TMOD1: variants seen among roughly 807,000 people sequenced by gnomAD.
The protein encoded by TMOD1 is tropomodulin-1.
Under a neutral mutation model 40.6 loss-of-function variants are expected in TMOD1, and 17 were observed. The ratio of observed to expected loss-of-function variants is 0.42; its 90% CI spans 0.29 to 0.63. TMOD1 has a LOEUF of 0.63. Among genes scored for constraint, TMOD1 ranks in the 20% least tolerant of loss-of-function variants. The pLI, the probability that TMOD1 is intolerant of heterozygous loss-of-function variation, is 0.22. For missense variants in TMOD1, 391 were observed against 447.6 expected (o/e 0.87, Z 1.14); for synonymous variants, 181 against 175.0 (o/e 1.03, Z -0.27).
intron 2 of TMOD1, among the ~76,000 whole-genome samples, chr9:97,529,627 A>G (rs570204808): frequency 6.6e-6 from 1 of 152,112 alleles, no homozygotes; most frequent in African/African-American, 2.4e-5. Flanking sequence ...CTCCCTCGGG[A>G]AAGGAATGCT....
At chr9:97,552,676 T>C (rs1830472257) in intron 3 of TMOD1, among the ~76,000 whole-genome samples, 2 of 152,212 alleles carry the variant, frequency 1.3e-5, no homozygotes, top group African/African-American at 4.8e-5. Context: ...TCCTTCTTAG[T>C]AAGTAGCAAT....
Position 97,553,333 on chromosome 9 carries a change from G to A in TMOD1, c.330G>A (p.Val110=). 6.2e-7 allele frequency: 1 copy of A among 1,614,226 alleles called. No homozygotes were observed. Among genetic ancestry groups the A allele is most frequent in the Non-Finnish European group, 8.5e-7 (1 of 1,180,040 alleles). Residue 110 remains valine (V), a synonymous_variant, in exon 4 of 10, where the codon GTG becomes GTA. Coordinates refer to ENST00000259365, the MANE Select transcript of TMOD1 (RefSeq NM_003275.4). ...QKPLDPVLES[V]TLEPELEEAL... ...CACTGGATCCTGTGCTGGAAAGTGT[G>A]ACGCTGGAACCGGAGCTGGAGGAAG...
chr9:97,588,725 G>A (rs1194195723), intron 8 of TMOD1, among the ~76,000 whole-genome samples: 1 of 151,968 alleles, frequency 6.6e-6, no homozygotes, highest in Admixed American at 6.6e-5. Context: ...ATTTATTTAG[G>A]TCTTATTTAA....
chr9:97,572,626 A>T (rs981944574), intron 8 of TMOD1, among the ~76,000 whole-genome samples: 2 of 152,184 alleles, frequency 1.3e-5, no homozygotes, highest in Non-Finnish European at 2.9e-5. Context: ...GACACAGAGG[A>T]GGTGGCGAGT....
intron 8 of TMOD1, among the ~76,000 whole-genome samples, chr9:97,588,403 A>G (rs1166178054): frequency 1.3e-5 from 2 of 152,176 alleles, no homozygotes; most frequent in African/African-American, 2.4e-5. Context: ...AGAAGTGTCT[A>G]TTCAAATCCT....
intron 1 of TMOD1, among the ~76,000 whole-genome samples, chr9:97,506,308 T>C (rs1564225418): frequency 6.6e-6 from 1 of 152,208 alleles, no homozygotes; most frequent in Non-Finnish European, 1.5e-5. Context: ...AAAAGCTCCC[T>C]GAGGACGAGG....
At chr9:97,566,040 TC>T in intron 7 of TMOD1, 85 bp downstream of exon 7, 1 of 1,191,640 alleles carries the variant, frequency 8.4e-7, no homozygotes, top group Non-Finnish European at 1.2e-6. Context: ...ACTGGTTGTA[TC>T]CCACTAACAA....
chr9:97,601,436 G>C lies in TMOD1; in HGVS notation c.*1738G>C. ...ACCGAGCTTATATGAAGCTCCCAGAGAGAACATTTAAAAGCTCAGAGAGTA... is the reference window on the plus strand; with the variant it reads ...ACCGAGCTTATATGAAGCTCCCAGACAGAACATTTAAAAGCTCAGAGAGTA... On this transcript the variant is annotated 3_prime_UTR_variant, in exon 10 of 10. Transcript: ENST00000259365. 9.8e-7 allele frequency: 1 copy of C among 1,022,918 alleles called. No individual in the cohort carries two copies. The highest frequency in any genetic ancestry group is 1.7e-5 in the African/African-American group (1 of 58,040). 63.4% of individuals were successfully genotyped at this position (1,022,918 alleles called of 1,614,324 possible).
chr9:97,559,174 G>A (rs1398655292), intron 4 of TMOD1, among the ~76,000 whole-genome samples: 3 of 152,214 alleles, frequency 2.0e-5, no homozygotes, highest in South Asian at 2.1e-4. Flanking sequence ...GAGCTGCTCC[G>A]TGGGAGCTGG....
intron 9 of TMOD1, among the ~76,000 whole-genome samples, chr9:97,597,761 C>T (rs1018862440): frequency 1.3e-5 from 2 of 151,070 alleles, no homozygotes; most frequent in Non-Finnish European, 1.5e-5. Flanking sequence ...CACACAGATC[C>T]GGCCCAGTGG....
At chr9:97,532,305 G>A (rs1416528511) in intron 2 of TMOD1, among the ~76,000 whole-genome samples, 1 of 152,110 alleles carries the variant, frequency 6.6e-6, no homozygotes, top group African/African-American at 2.4e-5. Flanking sequence ...CTGCCCTCTG[G>A]ACCCATGACC....
intron 3 of TMOD1, 80 bp downstream of exon 3, chr9:97,546,421 C>G: frequency 6.7e-7 from 1 of 1,495,156 alleles, no homozygotes; most frequent in South Asian, 1.3e-5. Flanking sequence ...CCCTGCCAGG[C>G]CCTGTGTTGG....
At position 97,513,397 on chromosome 9, in the gene TMOD1, G is replaced by A. The variant is rs547151757; in HGVS notation, c.-48-10744G>A. ...GCTGCCCAGTCAGCTAGAGCCAGGG[G>A]TAGGGATTTCAGCCCAGGTTTGCAT... On this transcript the variant is annotated intron_variant, in intron 1 of 9. Transcript: ENST00000259365. The surrounding 1 kb of genome is among the most constrained non-coding windows in gnomAD (Gnocchi z 4.1). Among the ~76,000 whole-genome samples the A allele has an allele frequency of 6.6e-5, 10 of 152,302 alleles. No individual in the cohort carries two copies. Among genetic ancestry groups the A allele is most frequent in the African/African-American group, 2.4e-4 (10 of 41,558 alleles).
chr9:97,537,393 G>A (rs2131236662), intron 2 of TMOD1, among the ~76,000 whole-genome samples: 1 of 152,336 alleles, frequency 6.6e-6, no homozygotes, highest in East Asian at 1.9e-4. Flanking sequence ...AAGCCCACAA[G>A]GTTCTAGGCA....
At chr9:97,547,161 C>G (rs1830376478) in intron 3 of TMOD1, among the ~76,000 whole-genome samples, 1 of 152,090 alleles carries the variant, frequency 6.6e-6, no homozygotes. Context: ...ACAGAGAGGG[C>G]CTCCCTGACC....
chr9:97,551,018 T>A (rs55658590), intron 3 of TMOD1, among the ~76,000 whole-genome samples: 173 of 6,614 alleles, frequency 0.026, 2 homozygotes, highest in African/African-American at 0.094. Context: ...ATATATATTT[T>A]TTTTTTTTTT....
chr9:97,589,081 C>T (rs1164347651), intron 8 of TMOD1, among the ~76,000 whole-genome samples: 1 of 139,846 alleles, frequency 7.2e-6, no homozygotes, highest in African/African-American at 2.7e-5. Context: ...TGCACCACTG[C>T]ACTCCAGCCT....
chr9:97,565,772 C>T, intron 6 of TMOD1, 76 bp from the exon 7 acceptor site: 1 of 1,163,228 alleles, frequency 8.6e-7, no homozygotes, highest in East Asian at 2.4e-5. Context: ...CAGAGAGTAG[C>T]CAGGCTAATC....
chr9:97,521,130 A>AT, intron 1 of TMOD1, among the ~76,000 whole-genome samples: 1 of 152,136 alleles, frequency 6.6e-6, no homozygotes, highest in Non-Finnish European at 1.5e-5. Context: ...TGTGGTTCTG[A>AT]TGTGACCCAG....
Sources: gnomAD v4.1 joint callset for allele counts (sites outside exome capture counted in the v4.1 genomes callset) on GRCh38, gnomAD v4.1.1 for gene constraint, Gnocchi (gnomAD v3.1) non-coding constraint, MANE v1.5 for transcripts, NCBI Gene and HGNC (gene_info 2026-07-23, HGNC 2026-07-21) for gene names.